The following RYR2 variants were observed in gnomAD, a reference collection of about 807,000 sequenced individuals.
RYR2 encodes cardiac muscle ryanodine receptor-calcium release channel.
RYR2 carries 227 observed loss-of-function variants against 601.1 expected under a neutral mutation model. The ratio of observed to expected loss-of-function variants is 0.38; its 90% CI spans 0.34 to 0.42. The LOEUF (loss-of-function observed/expected upper bound fraction) is 0.42, where lower values mean the gene tolerates loss of function less well. Ranked by LOEUF, RYR2 falls within the 10% of genes least tolerant of loss-of-function variation. The probability of loss-of-function intolerance (pLI) is 1.00; values close to 1 mark genes in which losing one functional copy is unlikely to be tolerated. For missense variants in RYR2, 4,646 were observed against 6,156.5 expected, an observed-to-expected ratio of 0.75 and a Z score of 8.21; for synonymous variants, 2,223 against 2,175.1, an observed-to-expected ratio of 1.02 and a Z score of -0.61.
chr1:237,127,758 C>T (rs1247288459), intron 1 of RYR2, among the ~76,000 whole-genome samples: 9 of 148,694 alleles, frequency 6.1e-5, no homozygotes, highest in African/African-American at 2.0e-4. Flanking sequence ...GGCGGCGGGG[C>T]AGAGGCGCTC....
At chr1:237,650,489 A>C (rs192081906) in intron 50 of RYR2, among the ~76,000 whole-genome samples, 14 of 152,334 alleles carry the variant, frequency 9.2e-5, no homozygotes, top group Middle Eastern at 3.4e-3. Context: ...GGGACTTCTT[A>C]AATATAAAAT....
rs1681098576 is a variant in RYR2 at position 237,638,410 on chromosome 1, T to C, written c.6846T>C (p.Ser2282=). The C allele has an allele frequency of 6.2e-7, 1 of 1,613,868 alleles. No homozygotes were observed. Among genetic ancestry groups the C allele is most frequent in the African/African-American group, 1.3e-5 (1 of 74,944 alleles). Residue 2282 remains serine (S), a synonymous_variant, in exon 45 of 105, where the codon TCT becomes TCC. Transcript: ENST00000366574. ...TGCAAAGTTGCCAGATGCTGGTGTC[T>C]AAGGGCTATCCAGACATTGGGTGGA... ...CGLQSCQMLV[S]KGYPDIGWNP...
At position 237,709,044 on chromosome 1, in the gene RYR2, C is replaced by T; in HGVS notation, c.10088C>T (p.Ala3363Val). The T allele has an allele frequency of 6.2e-7, 1 of 1,610,354 alleles. No homozygotes were observed. The highest frequency in any genetic ancestry group is 8.5e-7 in the Non-Finnish European group (1 of 1,177,112). Residue 3363 changes from alanine to valine, a missense_variant, in exon 69 of 105, where the codon GCC becomes GTC. Coordinates refer to ENST00000366574, the MANE Select transcript of RYR2 (RefSeq NM_001035.3). ...ATCCTAGATGAGTTCACCACACTGG[C>T]CAGAGATCTCTATGCCTTCTACCCT... ...LLILDEFTTLARDLYAFYPLL... is the reference protein window; with the variant it reads ...LLILDEFTTLVRDLYAFYPLL...
intron 1 of RYR2, among the ~76,000 whole-genome samples, chr1:237,160,898 TAAACA>T (rs1482347136): frequency 6.6e-6 from 1 of 152,176 alleles, no homozygotes; most frequent in African/African-American, 2.4e-5. Flanking sequence ...TGCAGAAAGA[TAAACA>T]GTTTCCACAA....
chr1:237,522,227 C>T (rs1572705364), intron 24 of RYR2, among the ~76,000 whole-genome samples: 1 of 152,018 alleles, frequency 6.6e-6, no homozygotes, highest in South Asian at 2.1e-4. Flanking sequence ...CTTCCCTGGG[C>T]CATAGCAGAA....
At chr1:237,298,838 A>G (rs116110159) in intron 2 of RYR2, among the ~76,000 whole-genome samples, 2 of 152,162 alleles carry the variant, frequency 1.3e-5, no homozygotes, top group East Asian at 3.9e-4. Context: ...CGTTTCTACA[A>G]AAAATTAGAA....
chr1:237,431,993 A>G (rs1295078466), intron 12 of RYR2, among the ~76,000 whole-genome samples: 1 of 152,186 alleles, frequency 6.6e-6, no homozygotes. Flanking sequence ...TGAGTAAGTT[A>G]ACCTCTTTAA....
At chr1:237,362,819 C>T (rs1405123308) in intron 4 of RYR2, among the ~76,000 whole-genome samples, 1 of 152,170 alleles carries the variant, frequency 6.6e-6, no homozygotes, top group Non-Finnish European at 1.5e-5. Context: ...TCTTCTTTCT[C>T]ATTCTGCAGA....
At chr1:237,070,962 T>C (rs74146702) in intron 1 of RYR2, among the ~76,000 whole-genome samples, 2,961 of 152,298 alleles carry the variant, frequency 0.019, 93 homozygotes, top group African/African-American at 0.068. Flanking sequence ...ACTGCTCTTC[T>C]CTCCTTGTTG....
intron 1 of RYR2, among the ~76,000 whole-genome samples, chr1:237,183,835 A>G (rs1679046758): frequency 6.6e-6 from 1 of 152,204 alleles, no homozygotes; most frequent in South Asian, 2.1e-4. Context: ...AAGGGAGGAC[A>G]TTTATCTGTC....
chr1:237,437,593 G>A (rs1237124195), intron 12 of RYR2, among the ~76,000 whole-genome samples: 1 of 152,162 alleles, frequency 6.6e-6, no homozygotes, highest in Non-Finnish European at 1.5e-5. Flanking sequence ...GTGAATGATA[G>A]TCAAGTGGAA....
intron 1 of RYR2, among the ~76,000 whole-genome samples, chr1:237,227,340 C>T (rs1684480076): frequency 6.6e-6 from 1 of 152,118 alleles, no homozygotes; most frequent in South Asian, 2.1e-4. Flanking sequence ...TATCATGTTG[C>T]ACAGTTTTTA....
intron 10 of RYR2, among the ~76,000 whole-genome samples, chr1:237,393,445 T>C (rs1702557636): frequency 6.6e-6 from 1 of 152,212 alleles, no homozygotes; most frequent in African/African-American, 2.4e-5. Context: ...TGCCTCTCCA[T>C]CTGGCTTAGA....
intron 1 of RYR2, among the ~76,000 whole-genome samples, chr1:237,244,817 C>CT (rs398089988): frequency 3.3e-4 from 50 of 151,828 alleles, no homozygotes; most frequent in Admixed American, 3.9e-4. Context: ...GACAACGTAC[C>CT]GCTTGAATTT....
At chr1:237,541,929 C>T (rs1026848975) in intron 25 of RYR2, among the ~76,000 whole-genome samples, 1 of 152,102 alleles carries the variant, frequency 6.6e-6, no homozygotes, top group Non-Finnish European at 1.5e-5. Flanking sequence ...GGCATTTTCA[C>T]TTCTTTTGTG....
chr1:237,415,278 A>C (rs1230485150), intron 10 of RYR2, among the ~76,000 whole-genome samples: 2 of 152,196 alleles, frequency 1.3e-5, no homozygotes, highest in African/African-American at 4.8e-5. Context: ...AAAACTATCC[A>C]TGTGAGTACT....
intron 41 of RYR2, among the ~76,000 whole-genome samples, chr1:237,630,426 T>G (rs1463445442): frequency 6.6e-6 from 1 of 152,132 alleles, no homozygotes; most frequent in Non-Finnish European, 1.5e-5. Context: ...TTCTGACCTA[T>G]GCTATCTAAA....
At chr1:237,343,577 G>A (rs923902304) in intron 3 of RYR2, among the ~76,000 whole-genome samples, 5 of 152,050 alleles carry the variant, frequency 3.3e-5, no homozygotes, top group Admixed American at 2.6e-4. Flanking sequence ...CAAGGTCAGC[G>A]ATTAAAAATA....
intron 24 of RYR2, among the ~76,000 whole-genome samples, chr1:237,516,200 T>TC (rs1441958807): frequency 2.0e-5 from 3 of 152,156 alleles, no homozygotes; most frequent in Admixed American, 2.0e-4. Flanking sequence ...AACCTCTGCC[T>TC]CCCAGATTCA....
Sources: allele counts gnomAD v4.1 joint callset (sites outside exome capture counted in the v4.1 genomes callset), GRCh38; gene constraint gnomAD v4.1.1; transcripts MANE v1.5; gene names NCBI Gene and HGNC (gene_info 2026-07-23, HGNC 2026-07-21).